Variants in CUBN observed in about 807,000 individuals in gnomAD.
CUBN encodes cubilin.
CUBN carries 282 observed loss-of-function variants against 405.3 expected under a neutral mutation model. That is an observed-to-expected ratio of 0.70 (90% CI 0.63 to 0.77). The LOEUF (loss-of-function observed/expected upper bound fraction) is 0.77. Among genes scored for constraint, CUBN ranks in the 30% least tolerant of loss-of-function variants. The pLI, the probability that CUBN is intolerant of heterozygous loss-of-function variation, is 0.00. For missense variants in CUBN, 4,514 were observed against 4,475.2 expected (o/e 1.01, Z -0.25); for synonymous variants, 1,684 against 1,617.0 (o/e 1.04, Z -0.99).
intron 31 of CUBN, among the ~76,000 whole-genome samples, chr10:16,963,182 C>CTTTTGTTTTTT (rs1176337605): frequency 1.1e-5 from 1 of 90,948 alleles, no homozygotes. Context: ...TTTTTCTTTT[C>CTTTTGTTTTTT]TTTTCTTTTT....
chr10:17,020,186 C>G (rs1238210049), intron 27 of CUBN, among the ~76,000 whole-genome samples: 1 of 152,090 alleles, frequency 6.6e-6, no homozygotes, highest in East Asian at 1.9e-4. Flanking sequence ...GATCTGATTC[C>G]TAAGCCCAAT....
chr10:16,906,325 A>G lies in CUBN; in HGVS notation c.7790T>C (p.Leu2597Pro), dbSNP rs141860307. ...ATTGCTGAGAGTCCATTCGCAGTTC[A>G]GGTTTCTTGAGTAATTCCTGACTCC... ...YDGVRNYSRN[L>P]NCEWTLSNPN... The change falls in exon 50 of 67, where the codon CTG (leucine) becomes CCG (proline). Residue 2597 changes from leucine (L) to proline (P), a missense_variant. Transcript: ENST00000377833. 1 of 1,613,972 alleles carries G rather than the reference A, an allele frequency of 6.2e-7. No individual in the cohort carries two copies. The highest frequency in any genetic ancestry group is 8.5e-7 in the Non-Finnish European group (1 of 1,179,916).
At chr10:16,965,999 G>A (rs1219320910) in intron 31 of CUBN, 1 of 471,116 alleles carries the variant, frequency 2.1e-6, no homozygotes, top group Non-Finnish European at 4.4e-6. Flanking sequence ...GTGAAATCAA[G>A]TTGTATTCAT....
At chr10:17,015,822 G>A (rs1834312989) in intron 28 of CUBN, among the ~76,000 whole-genome samples, 1 of 152,156 alleles carries the variant, frequency 6.6e-6, no homozygotes, top group Non-Finnish European at 1.5e-5. Context: ...AAGTGTCCTT[G>A]TAAACCACAC....
At chr10:16,916,548 A>G (rs1246263444) in intron 45 of CUBN, among the ~76,000 whole-genome samples, 1 of 152,222 alleles carries the variant, frequency 6.6e-6, no homozygotes, top group Non-Finnish European at 1.5e-5. Context: ...ATTATGTCTT[A>G]TTAGCTGGGT....
chr10:16,960,505 CAAAA>C (rs1396007609), intron 31 of CUBN, among the ~76,000 whole-genome samples: 2 of 151,838 alleles, frequency 1.3e-5, no homozygotes, highest in East Asian at 1.9e-4. Context: ...ACAAAACAAA[CAAAA>C]AACCCCCACA....
intron 31 of CUBN, among the ~76,000 whole-genome samples, chr10:16,978,724 T>A (rs1833172223): frequency 6.6e-6 from 1 of 152,204 alleles, no homozygotes; most frequent in South Asian, 2.1e-4. Context: ...GAATGAAATG[T>A]TGATATACAC....
chr10:16,933,527 A>G (rs755935712), intron 39 of CUBN, among the ~76,000 whole-genome samples: 12 of 152,188 alleles, frequency 7.9e-5, no homozygotes, highest in Non-Finnish European at 1.6e-4. Flanking sequence ...TTGCTATATA[A>G]CCCATTTAAT....
At chr10:16,915,259 A>G in intron 46 of CUBN, 87 bp from the exon 47 acceptor site, 1 of 1,531,988 alleles carries the variant, frequency 6.5e-7, no homozygotes, top group South Asian at 1.1e-5. Flanking sequence ...GTACAAAGAA[A>G]ATAATAAAAA....
chr10:16,825,566 T>C (rs1838749473), intron 66 of CUBN, among the ~76,000 whole-genome samples: 1 of 152,014 alleles, frequency 6.6e-6, no homozygotes, highest in African/African-American at 2.4e-5. Context: ...AATATAGTAT[T>C]TTCATCCTCA....
chr10:16,871,954 G>A (rs1381532270), intron 58 of CUBN, among the ~76,000 whole-genome samples: 1 of 152,184 alleles, frequency 6.6e-6, no homozygotes, highest in East Asian at 1.9e-4. Context: ...GCTGGGTGTG[G>A]TGGCTCACAC....
At chr10:17,091,378 C>T (rs982907698) in intron 14 of CUBN, among the ~76,000 whole-genome samples, 12 of 137,244 alleles carry the variant, frequency 8.7e-5, no homozygotes, top group African/African-American at 3.1e-4. Flanking sequence ...GCTAAGGAAC[C>T]AAGTTATTAA....
chr10:17,088,027 G>A, intron 15 of CUBN, 137 bp downstream of exon 15: 1 of 680,972 alleles, frequency 1.5e-6, no homozygotes, highest in South Asian at 1.7e-5. Context: ...CTTTGCAAGA[G>A]TTAGATATTG....
intron 31 of CUBN, among the ~76,000 whole-genome samples, chr10:16,970,576 CA>C (rs1213142589): frequency 8.0e-4 from 97 of 121,588 alleles, no homozygotes; most frequent in Admixed American, 1.5e-3. Flanking sequence ...AACTCCATCT[CA>C]AAAAAAAAAA....
At chr10:17,123,422 T>C (rs1837091891) in intron 5 of CUBN, 166 bp downstream of exon 5, 2 of 685,814 alleles carry the variant, frequency 2.9e-6, no homozygotes, top group East Asian at 5.5e-5. Flanking sequence ...TATACAATCA[T>C]ACTCACCACT....
rs755364727 is a variant in CUBN at position 16,906,326 on chromosome 10, G to C, written c.7789C>G (p.Leu2597Val). 6 of 1,613,906 alleles carry C rather than the reference G, an allele frequency of 3.7e-6. No individual in the cohort carries two copies. The East Asian group carries it at 1.1e-4, about 30-fold the overall frequency. Reference protein sequence around the residue: ...YDGVRNYSRNLNCEWTLSNPN... With the variant: ...YDGVRNYSRNVNCEWTLSNPN... ...TTGCTGAGAGTCCATTCGCAGTTCA[G>C]GTTTCTTGAGTAATTCCTGACTCCG... is the stretch of plus-strand genomic sequence containing the variant. Residue 2597 changes from leucine (L) to valine (V), a missense_variant, in exon 50 of 67, where the codon CTG (leucine) becomes GTG (valine). By Grantham distance (32) the Leu-to-Val change is conservative. Coordinates refer to ENST00000377833, the MANE Select transcript of CUBN (RefSeq NM_001081.4).
chr10:17,090,114 T>C (rs1029569780), intron 14 of CUBN, among the ~76,000 whole-genome samples: 5 of 151,730 alleles, frequency 3.3e-5, no homozygotes, highest in African/African-American at 1.2e-4. Flanking sequence ...AAAAAGAAAA[T>C]GGCCAAAGGA....
In CUBN at chr10:17,045,953, G is replaced by C. The variant is rs1009432666; in HGVS notation, c.3471C>G (p.Tyr1157Ter). 1.2e-6 allele frequency: 2 copies of C among 1,613,902 alleles called. No individual in the cohort carries two copies. Among genetic ancestry groups the C allele is most frequent in the Non-Finnish European group, 1.7e-6 (2 of 1,179,924 alleles). ...QIDTRSGFSA[Y>*]WDGSSTGCGG... Reference sequence around the variant, plus strand: ...ATTTACCTGTTGATGACCCATCCCAGTAAGCTGAGAATCCAGACCTTGTGT... The same window carrying C: ...ATTTACCTGTTGATGACCCATCCCACTAAGCTGAGAATCCAGACCTTGTGT... Residue 1157 changes from tyrosine to a stop codon, truncating the protein, a stop_gained, in exon 24 of 67, where the codon TAC (tyrosine) becomes TAG (stop). Coordinates refer to ENST00000377833, the MANE Select transcript of CUBN (RefSeq NM_001081.4). LOFTEE classifies it high-confidence loss of function.
intron 29 of CUBN, among the ~76,000 whole-genome samples, chr10:16,989,383 A>G (rs539524476): frequency 0.012 from 1,723 of 148,294 alleles, 16 homozygotes; most frequent in Non-Finnish European, 0.016. Flanking sequence ...TGTAATTATT[A>G]ATTATTATAA....
Sources: gnomAD v4.1 joint callset for allele counts (sites outside exome capture counted in the v4.1 genomes callset) on GRCh38, gnomAD v4.1.1 for gene constraint, MANE v1.5 for transcripts, NCBI Gene and HGNC (gene_info 2026-07-23, HGNC 2026-07-21) for gene names.